Variants in PLXND1 observed in about 807,000 individuals in gnomAD.
PLXND1 encodes plexin D1.
A neutral mutation model predicts 197.7 loss-of-function variants in PLXND1; 54 were observed. That is an observed-to-expected ratio of 0.27 (90% CI 0.22 to 0.34). The LOEUF (loss-of-function observed/expected upper bound fraction) is 0.34, where lower values mean the gene tolerates loss of function less well. Ranked by LOEUF, PLXND1 falls within the 10% of genes least tolerant of loss-of-function variation. The probability of loss-of-function intolerance (pLI) is 1.00; values close to 1 mark genes in which losing one functional copy is unlikely to be tolerated. For missense variants in PLXND1, 2,127 were observed against 2,699.2 expected (o/e 0.79, Z 4.70); for synonymous variants, 1,180 against 1,161.2 (o/e 1.02, Z -0.33).
chr3:129,563,407 G>T (rs569906167), intron 25 of PLXND1, among the ~76,000 whole-genome samples, 167 bp from the exon 26 acceptor site: 3 of 152,128 alleles, frequency 2.0e-5, no homozygotes, highest in African/African-American at 7.2e-5. Context: ...CCCTAAGCTC[G>T]TGTTCATTAA....
At chr3:129,601,312 T>C (rs1426847817) in intron 1 of PLXND1, among the ~76,000 whole-genome samples, 1 of 152,166 alleles carries the variant, frequency 6.6e-6, no homozygotes. Flanking sequence ...CTTCAGCAGC[T>C]TCTCCCTTTG....
chr3:129,598,302 T>TACCA (rs2085657335), intron 1 of PLXND1, among the ~76,000 whole-genome samples: 1 of 152,110 alleles, frequency 6.6e-6, no homozygotes, highest in Non-Finnish European at 1.5e-5. Flanking sequence ...TCTGATGAGC[T>TACCA]GGTTAGTGTG....
chr3:129,562,631 G>T, intron 27 of PLXND1, 156 bp downstream of exon 27: 1 of 649,348 alleles, frequency 1.5e-6, no homozygotes, highest in Non-Finnish European at 2.6e-6. Flanking sequence ...GTCTCCTACA[G>T]AGTAAGAGCT....
chr3:129,573,087 G>A, intron 13 of PLXND1, 146 bp from the exon 14 acceptor site: 2 of 630,396 alleles, frequency 3.2e-6, no homozygotes, highest in Non-Finnish European at 2.8e-6. Flanking sequence ...CCACAGTTCT[G>A]CAACTATAAG....
At chr3:129,566,085 G>C in intron 23 of PLXND1, 68 bp from the exon 24 acceptor site, 1 of 1,550,416 alleles carries the variant, frequency 6.4e-7, no homozygotes, top group Non-Finnish European at 8.9e-7. Flanking sequence ...AACAGCCAGT[G>C]CTTACGACGG....
chr3:129,565,754 G>A, intron 24 of PLXND1, 133 bp downstream of exon 24: 3 of 1,032,016 alleles, frequency 2.9e-6, no homozygotes, highest in Non-Finnish European at 4.2e-6. Context: ...CAAGGTCTTG[G>A]GCATCCCGGC....
At position 129,556,058 on chromosome 3, in the gene PLXND1, T is replaced by C. The variant is rs555486534; in HGVS notation, c.*254A>G. 2.1e-5 allele frequency: 10 copies of C among 477,096 alleles called. No individual in the cohort carries two copies. The East Asian group carries it at 3.6e-4, about 17-fold the overall frequency. 29.6% of individuals were successfully genotyped at this position (477,096 alleles called of 1,614,324 possible). ...CACAGTGCAGGCCGTGCTGGGCAGA[T>C]GGGGGAGCCTGACCAGCTCTCTGGC... On this transcript the variant is annotated 3_prime_UTR_variant, in exon 36 of 36. Coordinates refer to ENST00000324093, the MANE Select transcript of PLXND1 (RefSeq NM_015103.3).
chr3:129,558,589 T>C lies in PLXND1; in HGVS notation c.5298-14A>G, dbSNP rs553628289. 2 of 1,612,490 alleles carry C rather than the reference T, an allele frequency of 1.2e-6. No homozygotes were observed. Among genetic ancestry groups the C allele is most frequent in the Admixed American group, 1.7e-5 (1 of 59,960 alleles). On this transcript the variant is annotated splice_polypyrimidine_tract_variant and intron_variant, in intron 32 of 35. Coordinates refer to ENST00000324093, the MANE Select transcript of PLXND1 (RefSeq NM_015103.3). The surrounding 1 kb of genome is among the most constrained non-coding windows in gnomAD (Gnocchi z 4.1). ...CGGAGAGGAAGGCTGTGGGGTAGGG[T>C]GACAAAGACAGTGAGGGTAGGGTGG...
Position 129,584,437 on chromosome 3 carries a change from G to A in PLXND1, c.1977C>T (p.Ala659=), listed in dbSNP as rs2085431293. 6.2e-7 allele frequency: 1 copy of A among 1,613,770 alleles called. No homozygotes were observed. Among genetic ancestry groups the A allele is most frequent in the Non-Finnish European group, 8.5e-7 (1 of 1,179,940 alleles). Residue 659 remains alanine (A), a synonymous_variant, in exon 6 of 36, where the codon GCC becomes GCT. Transcript: ENST00000324093. ...GGTCCCTCGGCAGGAGGTTGCAGTAGGCAATCTGGTGACCAAAGGCAGGGC... is the reference window on the plus strand; with the variant it reads ...GGTCCCTCGGCAGGAGGTTGCAGTAAGCAATCTGGTGACCAAAGGCAGGGC... The part of the protein sequence containing the change: ...VPGPAFGHQI[A]YCNLLPRDQF...
At chr3:129,594,645 C>T (rs1051877454) in intron 1 of PLXND1, among the ~76,000 whole-genome samples, 5 of 152,088 alleles carry the variant, frequency 3.3e-5, no homozygotes, top group African/African-American at 9.7e-5. Context: ...CTTAATGCAA[C>T]ATGGGCTCCT....
At chr3:129,604,006 C>A (rs1253289442) in intron 1 of PLXND1, among the ~76,000 whole-genome samples, 2 of 152,124 alleles carry the variant, frequency 1.3e-5, no homozygotes, top group Non-Finnish European at 2.9e-5. Flanking sequence ...ATCAACAGAC[C>A]CAGCTCCCAA....
Position 129,567,798 on chromosome 3 carries a change from G to C in PLXND1, c.3873C>G (p.Phe1291Leu), listed in dbSNP as rs139808034. 4 of 1,604,952 alleles carry C rather than the reference G, an allele frequency of 2.5e-6. No homozygotes were observed. The highest frequency in any genetic ancestry group is 3.4e-6 in the Non-Finnish European group (4 of 1,172,248). The change falls in exon 21 of 36, where the codon TTC (phenylalanine) becomes TTG (leucine). Residue 1291 changes from phenylalanine to leucine, a missense_variant. Coordinates refer to ENST00000324093, the MANE Select transcript of PLXND1 (RefSeq NM_015103.3). ...CACGTCGGCTCTTGGTACAGAAGAC[G>C]AACAGGGCTGCGGGCAGTGGAGAGG... ...VLLLLSVVAL[F>L]VFCTKSRRAE... is the part of the protein sequence containing the mutation.
Position 129,566,527 on chromosome 3 carries a change from C to T in PLXND1, c.4191G>A (p.Lys1397=). ...TGTGTGTGGGTCGTGGGGTACTCAC[C>T]TTCCACTCTCCCAGCAGTGGGTGGG... The part of the protein sequence containing the change: ...QETHPLLGEW[K]IPESCRPNME... The change falls in exon 23 of 36, where the codon AAG becomes AAA. Residue 1397 remains lysine, a splice_region_variant and synonymous_variant. Coordinates refer to ENST00000324093, the MANE Select transcript of PLXND1 (RefSeq NM_015103.3). 1 of 1,596,462 alleles carries T rather than the reference C, an allele frequency of 6.3e-7. No individual in the cohort carries two copies. The highest frequency in any genetic ancestry group is 8.6e-7 in the Non-Finnish European group (1 of 1,163,878).
At chr3:129,560,991 C>A (rs969353041) in intron 29 of PLXND1, 2 of 604,984 alleles carry the variant, frequency 3.3e-6, no homozygotes, top group Non-Finnish European at 6.2e-6. Flanking sequence ...CAGAGACACA[C>A]AGCGAGCGAG....
rs1202399619 is a variant in PLXND1, at chr3:129,572,757, G to A, written c.2938-9C>T. On this transcript the variant is annotated splice_polypyrimidine_tract_variant and intron_variant, in intron 14 of 35. Coordinates refer to ENST00000324093, the MANE Select transcript of PLXND1 (RefSeq NM_015103.3). ...GAGTGGACCAGGGGCAGCTGTGGGAGGAAGGCAGGCGTTTGGGCCTCGGGC... is the reference window on the plus strand; with the variant it reads ...GAGTGGACCAGGGGCAGCTGTGGGAAGAAGGCAGGCGTTTGGGCCTCGGGC... 24 of 1,599,874 alleles carry A rather than the reference G, an allele frequency of 1.5e-5. No individual in the cohort carries two copies. The highest frequency in any genetic ancestry group is 2.7e-5 in the African/African-American group (2 of 74,710).
At chr3:129,588,609 G>C (rs72990055) in intron 2 of PLXND1, among the ~76,000 whole-genome samples, 5,354 of 152,376 alleles carry the variant, frequency 0.035, 318 homozygotes, top group African/African-American at 0.12. Context: ...AGTGGGTTGG[G>C]GGGGACTTGG....
In PLXND1 at chr3:129,555,909, TAG is replaced by T; in HGVS notation, c.*401_*402del. ...GCTCCCTGCACCAGTGTGGATGAGG[TAG>T]AGTTTCTGGGCTGCAGCCTCCGGGC... On this transcript the variant is annotated 3_prime_UTR_variant, in exon 36 of 36. Transcript: ENST00000324093. The T allele has an allele frequency of 1.0e-5, 3 of 292,920 alleles. No individual in the cohort carries two copies. The highest frequency in any genetic ancestry group is 1.0e-4 in the South Asian group (2 of 19,494). The allele number at this position is 292,920 out of a possible 1,614,324, so 18.1% of individuals were successfully genotyped here. A position where few individuals can be genotyped will look rare whatever the true frequency, so the allele number is the denominator to read the frequency against.
Position 129,586,560 on chromosome 3 carries a change from T to C in PLXND1, c.1620+28A>G, listed in dbSNP as rs2108791939. ...CAAGAGGGCTCGGCTGGTGCTGGGA[T>C]GGCGTTGGGCTGGGGCTCTGGCCTC... On this transcript the variant is annotated intron_variant, in intron 3 of 35. Transcript: ENST00000324093. 3.8e-6 allele frequency: 6 copies of C among 1,558,590 alleles called. No individual in the cohort carries two copies. In the South Asian group the frequency reaches 5.9e-5, roughly 15 times the overall value.
chr3:129,570,963 A>G (rs766168875), intron 18 of PLXND1, 28 bp from the exon 19 acceptor site: 1 of 1,614,002 alleles, frequency 6.2e-7, no homozygotes, highest in East Asian at 2.2e-5. Flanking sequence ...GAGGATGCTC[A>G]TGGGGAAGTG....
Sources: gnomAD v4.1 joint callset for allele counts (sites outside exome capture counted in the v4.1 genomes callset) on GRCh38, gnomAD v4.1.1 for gene constraint, Gnocchi (gnomAD v3.1) non-coding constraint, MANE v1.5 for transcripts, NCBI Gene and HGNC (gene_info 2026-07-23, HGNC 2026-07-21) for gene names.